ARID4B: variants seen among roughly 807,000 people sequenced by gnomAD.
The protein encoded by ARID4B is AT-rich interaction domain 4B.
In ARID4B, 26 loss-of-function variants were observed where a neutral mutation model predicts 147.5. The ratio of observed to expected loss-of-function variants is 0.18; its 90% CI spans 0.13 to 0.24. The LOEUF (loss-of-function observed/expected upper bound fraction) is 0.24. Ranked by LOEUF, ARID4B falls within the 10% of genes least tolerant of loss-of-function variation. ARID4B has a pLI of 1.00. For missense variants in ARID4B, 1,179 were observed against 1,511.5 expected (o/e 0.78, Z 3.65); for synonymous variants, 512 against 507.9 (o/e 1.01, Z -0.11).
chr1:235,277,724 T>C (rs900988185), intron 2 of ARID4B, among the ~76,000 whole-genome samples: 1 of 151,964 alleles, frequency 6.6e-6, no homozygotes, highest in African/African-American at 2.4e-5. Context: ...TAAATGGCTT[T>C]TCTTGGCCAT....
At chr1:235,175,070 G>A (rs531233089) in intron 22 of ARID4B, 114 bp downstream of exon 22, 584 of 906,990 alleles carry the variant, frequency 6.4e-4, no homozygotes, top group Admixed American at 1.2e-3. Context: ...TCGCACCACC[G>A]CACTCCAGCC....
chr1:235,240,333 C>T lies in ARID4B; in HGVS notation c.565G>A (p.Ala189Thr). Residue 189 changes from alanine (A) to threonine (T), a missense_variant, in exon 8 of 24, where the codon GCA (alanine) becomes ACA (threonine). Physicochemically the swap from Ala to Thr is moderately conservative, Grantham distance 58 (BLOSUM62 0). Around this residue, in one of 10 missense-constraint regions of ARID4B, gnomAD observed 159 missense variants for 190.5 expected, o/e 0.83. Coordinates refer to ENST00000264183, the MANE Select transcript of ARID4B (RefSeq NM_016374.6). ...CTCACCAATGCAGGAAACCACAGTGCTTTCTTTTTATCCAAACTAATGTAA... is the reference window on the plus strand; with the variant it reads ...CTCACCAATGCAGGAAACCACAGTGTTTTCTTTTTATCCAAACTAATGTAA... ...VDYISLDKKKALWFPALVVCP... is the reference protein window; with the variant it reads ...VDYISLDKKKTLWFPALVVCP... 1.9e-6 allele frequency: 3 copies of T among 1,612,780 alleles called. No homozygotes were observed. Among genetic ancestry groups the T allele is most frequent in the Non-Finnish European group, 2.5e-6 (3 of 1,179,378 alleles).
Position 235,219,964 on chromosome 1 carries a change from C to T in ARID4B, c.1412G>A (p.Ser471Asn). Residue 471 changes from serine to asparagine, a missense_variant, in exon 16 of 24, where the codon AGT (serine) becomes AAT (asparagine). Physicochemically the swap from Ser to Asn is conservative, Grantham distance 46 (BLOSUM62 1). Around this residue, in one of 10 missense-constraint regions of ARID4B, gnomAD observed 204 missense variants for 210.9 expected, o/e 0.97. Coordinates refer to ENST00000264183, the MANE Select transcript of ARID4B (RefSeq NM_016374.6). ...TATAGATTCTAATAAATTCTTTTTA[C>T]TTCCCTAGAAAAAGATCAGAGGAAA... ...RKENIKPSLG[S>N]KKNLLESIPT... The T allele has an allele frequency of 6.5e-7, 1 of 1,532,152 alleles. No individual in the cohort carries two copies. Among genetic ancestry groups the T allele is most frequent in the Non-Finnish European group, 8.8e-7 (1 of 1,141,920 alleles). 94.9% of individuals were successfully genotyped at this position (1,532,152 alleles called of 1,614,324 possible).
At chr1:235,299,211 G>C (rs1333046319) in intron 2 of ARID4B, among the ~76,000 whole-genome samples, 1 of 152,112 alleles carries the variant, frequency 6.6e-6, no homozygotes, top group Non-Finnish European at 1.5e-5. Context: ...GATAAACTGT[G>C]GTTTGGTTTT....
At chr1:235,247,032 C>CT (rs1483641385) in intron 6 of ARID4B, among the ~76,000 whole-genome samples, 1 of 152,004 alleles carries the variant, frequency 6.6e-6, no homozygotes, top group Non-Finnish European at 1.5e-5. Flanking sequence ...TGCAATAAAC[C>CT]TTTTTTAATA....
intron 2 of ARID4B, among the ~76,000 whole-genome samples, chr1:235,325,425 A>G (rs1224148465): frequency 6.6e-6 from 1 of 152,164 alleles, no homozygotes; most frequent in African/African-American, 2.4e-5. Context: ...CTTTCAACTT[A>G]ACTACATTTC....
intron 17 of ARID4B, among the ~76,000 whole-genome samples, chr1:235,205,577 G>T (rs1323043097): frequency 6.6e-6 from 1 of 152,086 alleles, no homozygotes; most frequent in East Asian, 1.9e-4. Flanking sequence ...TGTTTCTTTG[G>T]AAATAACATC....
intron 17 of ARID4B, among the ~76,000 whole-genome samples, chr1:235,205,688 C>T (rs1039627092): frequency 1.3e-5 from 2 of 152,132 alleles, no homozygotes; most frequent in Non-Finnish European, 2.9e-5. Flanking sequence ...AACAAAACAA[C>T]TGACCAATTC....
At chr1:235,182,897 C>T (rs546094459) in intron 19 of ARID4B, 104 bp from the exon 20 acceptor site, 12 of 1,149,428 alleles carry the variant, frequency 1.0e-5, no homozygotes, top group African/African-American at 9.4e-5. Flanking sequence ...TACAGCCACC[C>T]GAGGTTGCTG....
intron 16 of ARID4B, among the ~76,000 whole-genome samples, chr1:235,217,109 T>C (rs1226490305): frequency 6.6e-6 from 1 of 152,018 alleles, no homozygotes; most frequent in Non-Finnish European, 1.5e-5. Flanking sequence ...AACCCAACAC[T>C]CTTTTATTAA....
intron 19 of ARID4B, among the ~76,000 whole-genome samples, chr1:235,184,442 CA>C (rs200044779): frequency 2.7e-5 from 4 of 147,634 alleles, no homozygotes; most frequent in South Asian, 2.2e-4. Context: ...CAAAACAAAG[CA>C]AAAAAAAAGG....
chr1:235,198,736 G>A (rs1174965651), intron 17 of ARID4B, among the ~76,000 whole-genome samples: 2 of 152,226 alleles, frequency 1.3e-5, no homozygotes, highest in Non-Finnish European at 2.9e-5. Context: ...TCTTAAATTA[G>A]ATGAAACAAA....
intron 8 of ARID4B, among the ~76,000 whole-genome samples, chr1:235,236,177 T>G (rs934726006): frequency 1.1e-4 from 17 of 152,116 alleles, no homozygotes; most frequent in African/African-American, 3.9e-4. Context: ...AAATACTATT[T>G]GTGCGATTAT....
chr1:235,321,723 T>A (rs994306999), intron 2 of ARID4B, among the ~76,000 whole-genome samples: 7 of 152,000 alleles, frequency 4.6e-5, no homozygotes, highest in African/African-American at 1.5e-4. Context: ...ATGGTCTCAA[T>A]CTCCTGACCT....
At chr1:235,267,841 T>C (rs1670712107) in intron 2 of ARID4B, among the ~76,000 whole-genome samples, 1 of 151,896 alleles carries the variant, frequency 6.6e-6, no homozygotes, top group African/African-American at 2.4e-5. Context: ...GAGGCGGAGC[T>C]TGCAGTGAGC....
At chr1:235,236,662 C>T (rs557072648) in intron 8 of ARID4B, among the ~76,000 whole-genome samples, 14 of 149,342 alleles carry the variant, frequency 9.4e-5, no homozygotes, top group South Asian at 8.5e-4. Flanking sequence ...TATAGGCTCC[C>T]GCCACCATGC....
chr1:235,260,030 T>C (rs574780591), intron 3 of ARID4B, among the ~76,000 whole-genome samples: 3 of 152,360 alleles, frequency 2.0e-5, no homozygotes, highest in Non-Finnish European at 2.9e-5. Flanking sequence ...TCAAGTTCAC[T>C]TGTCTGGTAT....
chr1:235,238,241 T>C (rs1169204945), intron 8 of ARID4B, among the ~76,000 whole-genome samples: 1 of 152,116 alleles, frequency 6.6e-6, no homozygotes, highest in African/African-American at 2.4e-5. Flanking sequence ...CTATCTTTGT[T>C]AAATATTTTG....
At chr1:235,192,952 G>C (rs1313222622) in intron 19 of ARID4B, among the ~76,000 whole-genome samples, 1 of 152,192 alleles carries the variant, frequency 6.6e-6, no homozygotes, top group Non-Finnish European at 1.5e-5. Context: ...AATTAGCCAG[G>C]CGCAGTGGCG....
Sources: gnomAD v4.1 joint callset for allele counts (sites outside exome capture counted in the v4.1 genomes callset) on GRCh38, gnomAD v4.1.1 for gene constraint, gnomAD v4.1.1 regional missense constraint, MANE v1.5 for transcripts, NCBI Gene and HGNC (gene_info 2026-07-23, HGNC 2026-07-21) for gene names.